Variants in EHD4 observed in about 807,000 individuals in gnomAD.
The protein encoded by EHD4 is EH domain containing 4.
In EHD4, 37 loss-of-function variants were observed where a neutral mutation model predicts 51.0. The observed-to-expected ratio is 0.73, with a 90% CI of 0.56 to 0.95. The LOEUF (loss-of-function observed/expected upper bound fraction) is 0.95, where lower values mean the gene tolerates loss of function less well. Among genes scored for constraint, EHD4 ranks in the 40% least tolerant of loss-of-function variants. The pLI is 0.00. For synonymous variants in EHD4, 297 were observed against 317.3 expected, an observed-to-expected ratio of 0.94 and a Z score of 0.68; for missense variants, 632 against 733.1, an observed-to-expected ratio of 0.86 and a Z score of 1.59.
intron 4 of EHD4, among the ~76,000 whole-genome samples, chr15:41,914,335 G>A (rs2067569163): frequency 6.7e-6 from 1 of 148,378 alleles, no homozygotes; most frequent in Non-Finnish European, 1.5e-5. Context: ...TTAAAGCCAG[G>A]GTATCAGCAC....
intron 4 of EHD4, among the ~76,000 whole-genome samples, chr15:41,918,330 A>T (rs927091569): frequency 7.2e-5 from 11 of 152,148 alleles, no homozygotes; most frequent in African/African-American, 2.7e-4. Context: ...GGGCCTGGGA[A>T]TGTATGTTGC....
At position 41,900,885 on chromosome 15, in the gene EHD4, A is replaced by T; in HGVS notation, c.1386T>A (p.Asn462Lys). ...TGGCGTTGACACCTGATATCTTGCC[A>T]TTGATGGGCGACAGAGTGTAGAAGA... is the stretch of plus-strand genomic sequence containing the variant. Reference protein sequence around the residue: ...DELFYTLSPINGKISGVNAKK... With the variant: ...DELFYTLSPIKGKISGVNAKK... Residue 462 changes from asparagine (N) to lysine (K), a missense_variant, in exon 6 of 6, where the codon AAT becomes AAA. By Grantham distance (94) the Asn-to-Lys change is moderately conservative (BLOSUM62 0). Coordinates refer to ENST00000220325, the MANE Select transcript of EHD4 (RefSeq NM_139265.4). This position sits in a 1 kb window ranked among gnomAD's most constrained non-coding sequence, Gnocchi z 4.8. 3 of 1,614,126 alleles carry T rather than the reference A, an allele frequency of 1.9e-6. No individual in the cohort carries two copies. In the South Asian group the frequency reaches 3.3e-5, roughly 18 times the overall value.
chr15:41,921,261 C>T (rs2067623492), intron 3 of EHD4, among the ~76,000 whole-genome samples: 1 of 152,138 alleles, frequency 6.6e-6, no homozygotes, highest in Non-Finnish European at 1.5e-5. Context: ...TGTCTCACTG[C>T]GGCACTCCCT....
chr15:41,911,269 A>G (rs1347433413), intron 4 of EHD4, among the ~76,000 whole-genome samples: 1 of 152,240 alleles, frequency 6.6e-6, no homozygotes, highest in Non-Finnish European at 1.5e-5. Context: ...TCTTGGAGAG[A>G]TGACGCTAAA....
intron 3 of EHD4, among the ~76,000 whole-genome samples, chr15:41,921,265 A>G (rs187755752): frequency 6.6e-6 from 1 of 151,876 alleles, no homozygotes; most frequent in African/African-American, 2.4e-5. Flanking sequence ...TCACTGCGGC[A>G]CTCCCTGACT....
chr15:41,939,913 C>T lies in EHD4; in HGVS notation c.511+3154G>A, dbSNP rs77271063. 4.0e-3 allele frequency among the ~76,000 whole-genome samples: 603 copies of T among 152,080 alleles called. 9 individuals carry two copies. In the East Asian group the frequency reaches 0.072, roughly 18 times the overall value. On this transcript the variant is annotated intron_variant, in intron 3 of 5. Transcript: ENST00000220325. ...AAATTGCTCCAAAATCAATTGCCCTCATGGGTTTCATTTATACGGCTCCTA... is the reference window on the plus strand; with the variant it reads ...AAATTGCTCCAAAATCAATTGCCCTTATGGGTTTCATTTATACGGCTCCTA...
At chr15:41,926,804 C>T (rs7176585) in intron 3 of EHD4, among the ~76,000 whole-genome samples, 3,524 of 152,344 alleles carry the variant, frequency 0.023, 159 homozygotes, top group African/African-American at 0.081. Context: ...CAGCAGCATC[C>T]TGTACTTCCC....
chr15:41,962,446 A>G (rs948919257), intron 1 of EHD4, among the ~76,000 whole-genome samples: 1 of 151,926 alleles, frequency 6.6e-6, no homozygotes, highest in Non-Finnish European at 1.5e-5. Flanking sequence ...GTCCTAACAG[A>G]CTCAATATAG....
At chr15:41,912,209 T>C (rs1489634162) in intron 4 of EHD4, among the ~76,000 whole-genome samples, 1 of 152,214 alleles carries the variant, frequency 6.6e-6, no homozygotes, top group African/African-American at 2.4e-5. Context: ...ACCTGAGTCA[T>C]GACCCTTAGG....
At chr15:41,953,540 G>C (rs990885246) in intron 2 of EHD4, among the ~76,000 whole-genome samples, 1 of 152,090 alleles carries the variant, frequency 6.6e-6, no homozygotes, top group African/African-American at 2.4e-5. Flanking sequence ...ATAATGTCCA[G>C]TTCTGGGCCT....
intron 3 of EHD4, among the ~76,000 whole-genome samples, chr15:41,929,647 A>C (rs539365057): frequency 1.3e-5 from 2 of 149,572 alleles, no homozygotes; most frequent in African/African-American, 5.1e-5. Flanking sequence ...TGGTAAAAAA[A>C]CCTACCAAGA....
chr15:41,929,494 A>G (rs567128073), intron 3 of EHD4, among the ~76,000 whole-genome samples: 6 of 152,370 alleles, frequency 3.9e-5, no homozygotes, highest in South Asian at 4.1e-4. Flanking sequence ...AGTGAAAGGG[A>G]AAATTGGGTT....
chr15:41,903,116 A>G (rs1420673076), intron 5 of EHD4, among the ~76,000 whole-genome samples: 1 of 151,996 alleles, frequency 6.6e-6, no homozygotes, highest in Admixed American at 6.6e-5. Context: ...GAAATGTTCC[A>G]GGTATGGCAG....
intron 3 of EHD4, among the ~76,000 whole-genome samples, chr15:41,921,062 A>G (rs1250547317): frequency 6.6e-6 from 1 of 152,192 alleles, no homozygotes; most frequent in Non-Finnish European, 1.5e-5. Context: ...TGTTAGAGGA[A>G]TAGCTGAACA....
At chr15:41,909,415 G>A (rs549254819) in intron 5 of EHD4, among the ~76,000 whole-genome samples, 6 of 152,330 alleles carry the variant, frequency 3.9e-5, no homozygotes, top group African/African-American at 1.2e-4. Flanking sequence ...CAATGTCACC[G>A]CAACATCAAC....
At chr15:41,901,877 G>A (rs979979047) in intron 5 of EHD4, among the ~76,000 whole-genome samples, 1 of 152,132 alleles carries the variant, frequency 6.6e-6, no homozygotes, top group Non-Finnish European at 1.5e-5. Flanking sequence ...GGAAGGTATC[G>A]AGGCAGGGCC....
At chr15:41,932,901 C>G (rs1019479451) in intron 3 of EHD4, among the ~76,000 whole-genome samples, 2 of 152,236 alleles carry the variant, frequency 1.3e-5, no homozygotes, top group African/African-American at 4.8e-5. Context: ...CGAGAGGGCC[C>G]TCTGAGCTGG....
intron 5 of EHD4, among the ~76,000 whole-genome samples, chr15:41,907,411 C>G (rs1007633811): frequency 6.6e-6 from 1 of 152,200 alleles, no homozygotes; most frequent in Non-Finnish European, 1.5e-5. Context: ...CTGGAGGCCA[C>G]AACAGCCCTC....
intron 1 of EHD4, among the ~76,000 whole-genome samples, chr15:41,962,014 A>G (rs536220773): frequency 6.6e-6 from 1 of 152,344 alleles, no homozygotes; most frequent in East Asian, 1.9e-4. Context: ...GCCAAAAAAA[A>G]TAAGAGAAAT....
Sources: gnomAD v4.1 joint callset for allele counts (sites outside exome capture counted in the v4.1 genomes callset) on GRCh38, gnomAD v4.1.1 for gene constraint, Gnocchi (gnomAD v3.1) non-coding constraint, MANE v1.5 for transcripts, NCBI Gene and HGNC (gene_info 2026-07-23, HGNC 2026-07-21) for gene names.